The following CDH10 variants were observed in gnomAD, a reference collection of about 807,000 sequenced individuals.
The protein encoded by CDH10 is cadherin-10.
A neutral mutation model predicts 73.1 loss-of-function variants in CDH10; 30 were observed. That is an observed-to-expected ratio of 0.41 (90% confidence interval 0.31 to 0.56). CDH10 has a LOEUF of 0.56. Ranked by LOEUF, CDH10 falls within the 20% of genes least tolerant of loss-of-function variation. The probability of loss-of-function intolerance (pLI) is 0.27; values close to 1 mark genes in which losing one functional copy is unlikely to be tolerated. For synonymous variants in CDH10, 345 were observed against 348.2 expected, an observed-to-expected ratio of 0.99 and a Z score of 0.10; for missense variants, 815 against 973.7, an observed-to-expected ratio of 0.84 and a Z score of 2.17.
chr5:24,554,020 G>A (rs932613539), intron 2 of CDH10: 1 of 148,966 alleles, frequency 6.7e-6, no homozygotes, highest in Non-Finnish European at 1.5e-5. Context: ...ACCACATAAG[G>A]ACAGAGTGAG....
intron 8 of CDH10, among the ~76,000 whole-genome samples, chr5:24,500,951 CATT>C (rs1439946804): frequency 1.3e-5 from 2 of 152,080 alleles, no homozygotes; most frequent in East Asian, 3.9e-4. Context: ...AATGCTATCT[CATT>C]ATTTTCCACT....
chr5:24,498,217 G>A (rs1323088867), intron 9 of CDH10, among the ~76,000 whole-genome samples, 181 bp downstream of exon 9: 1 of 151,974 alleles, frequency 6.6e-6, no homozygotes, highest in African/African-American at 2.4e-5. Context: ...ATATGAAACT[G>A]GTATATGGTT....
chr5:24,506,268 C>T (rs1742695282), intron 7 of CDH10, among the ~76,000 whole-genome samples: 3 of 152,106 alleles, frequency 2.0e-5, no homozygotes, highest in Non-Finnish European at 4.4e-5. Context: ...GCATGGTACG[C>T]TGGGCATGAT....
chr5:24,538,503 T>C (rs939742403), intron 2 of CDH10, among the ~76,000 whole-genome samples: 1 of 152,060 alleles, frequency 6.6e-6, no homozygotes, highest in Non-Finnish European at 1.5e-5. Flanking sequence ...CATGCCTTCA[T>C]GTGGACATCT....
intron 1 of CDH10, among the ~76,000 whole-genome samples, chr5:24,638,734 T>C (rs1747948160): frequency 6.6e-6 from 1 of 151,824 alleles, no homozygotes; most frequent in African/African-American, 2.4e-5. Context: ...CCCCAACTTA[T>C]AATGCTTTAA....
Position 24,537,534 on chromosome 5 carries a change from A to G in CDH10, c.372T>C (p.Phe124=), listed in dbSNP as rs766052088. ...TRRIDREEKA[F]YTLRAQAINR... is the part of the protein sequence containing the mutation. ...TAATAGCTTGTGCGCGTAGAGTATA[A>G]AAGGCCTTTTCCTCCCTATCAATTC... Residue 124 remains phenylalanine (F), a synonymous_variant, in exon 3 of 12, where the codon TTT becomes TTC. Transcript: ENST00000264463. 3 of 1,613,400 alleles carry G rather than the reference A, an allele frequency of 1.9e-6. No individual in the cohort carries two copies. Among genetic ancestry groups the G allele is most frequent in the Middle Eastern group, 1.7e-4 (1 of 6,056 alleles).
chr5:24,535,810 A>G lies in CDH10; in HGVS notation c.539T>C (p.Val180Ala), dbSNP rs756044907. The G allele has an allele frequency of 6.2e-7, 1 of 1,609,190 alleles. No homozygotes were observed. Among genetic ancestry groups the G allele is most frequent in the South Asian group, 1.1e-5 (1 of 90,704 alleles). Residue 180 changes from valine to alanine, a missense_variant, in exon 4 of 12, where the codon GTG becomes GCG. Transcript: ENST00000264463. ...ATCGGCATCTGTAGCTGTGACTTGC[A>G]CCACAGAAGTACCTGAAGTATCCAA... ...PEMSVVGTSV[V>A]QVTATDADDP...
intron 2 of CDH10, among the ~76,000 whole-genome samples, chr5:24,573,559 A>C (rs911174122): frequency 6.6e-6 from 1 of 151,446 alleles, no homozygotes; most frequent in Non-Finnish European, 1.5e-5. Flanking sequence ...AAATTAGCCG[A>C]GCGTGGTGGC....
chr5:24,540,699 C>T (rs367875398), intron 2 of CDH10, among the ~76,000 whole-genome samples: 4 of 151,920 alleles, frequency 2.6e-5, no homozygotes, highest in South Asian at 2.1e-4. Flanking sequence ...AATTACTATA[C>T]GATTTACTTG....
chr5:24,536,530 A>C (rs531962906), intron 3 of CDH10, among the ~76,000 whole-genome samples: 1 of 152,178 alleles, frequency 6.6e-6, no homozygotes, highest in Admixed American at 6.6e-5. Flanking sequence ...CATATTTGAG[A>C]AGTGTCTATT....
intron 1 of CDH10, among the ~76,000 whole-genome samples, chr5:24,604,445 C>A (rs1288476899): frequency 6.6e-6 from 1 of 152,108 alleles, no homozygotes. Flanking sequence ...AAACTTTTGT[C>A]TTTTGTAATT....
rs1453322652 is a variant in CDH10 at position 24,604,871 on chromosome 5, T to TCAAAAA, written c.-123-11259_-123-11258insTTTTTG. ...CTGGGGAACAAGAGCAAGATGTCTC[T>TCAAAAA]AAAAAAAAAAAAAAAAAAAAAAAAC... On this transcript the variant is annotated intron_variant, in intron 1 of 11. Transcript: ENST00000264463. Among the ~76,000 whole-genome samples, 30 of 116,270 alleles carry TCAAAAA rather than the reference T, an allele frequency of 2.6e-4. 1 individual carries two copies. Among genetic ancestry groups the TCAAAAA allele is most frequent in the African/African-American group, 8.5e-4 (19 of 22,300 alleles). 76.3% of individuals were successfully genotyped at this position (116,270 alleles called of 152,430 possible). A position where few individuals can be genotyped will look rare whatever the true frequency, so the allele number is the denominator to read the frequency against.
At chr5:24,611,122 C>G (rs1330445162) in intron 1 of CDH10, among the ~76,000 whole-genome samples, 1 of 152,142 alleles carries the variant, frequency 6.6e-6, no homozygotes, top group Non-Finnish European at 1.5e-5. Context: ...CCTGTAGAGA[C>G]AGTTGCTCAG....
chr5:24,552,278 T>C (rs1431517430), intron 2 of CDH10, among the ~76,000 whole-genome samples: 2 of 152,084 alleles, frequency 1.3e-5, no homozygotes, highest in Non-Finnish European at 2.9e-5. Flanking sequence ...TTTCTTAACA[T>C]ATTCTTTTTA....
chr5:24,565,346 T>C (rs1561166858), intron 2 of CDH10, among the ~76,000 whole-genome samples: 1 of 152,210 alleles, frequency 6.6e-6, no homozygotes. Context: ...TATAAATTTC[T>C]ATGTACTAAC....
At chr5:24,592,157 A>T (rs1467521883) in intron 2 of CDH10, among the ~76,000 whole-genome samples, 1 of 151,818 alleles carries the variant, frequency 6.6e-6, no homozygotes, top group African/African-American at 2.4e-5. Flanking sequence ...CAGATATTTT[A>T]AAAGGTCTGA....
chr5:24,528,442 A>G (rs545930458), intron 5 of CDH10, among the ~76,000 whole-genome samples: 3 of 151,888 alleles, frequency 2.0e-5, no homozygotes, highest in Non-Finnish European at 2.9e-5. Flanking sequence ...AGCACTTATT[A>G]AATCAAATCT....
At chr5:24,524,531 T>A (rs1173469055) in intron 5 of CDH10, among the ~76,000 whole-genome samples, 1 of 152,112 alleles carries the variant, frequency 6.6e-6, no homozygotes, top group African/African-American at 2.4e-5. Context: ...TTTAATTATG[T>A]GGTACGCTTT....
At chr5:24,565,563 T>C (rs1227857514) in intron 2 of CDH10, among the ~76,000 whole-genome samples, 2 of 152,228 alleles carry the variant, frequency 1.3e-5, no homozygotes, top group East Asian at 1.9e-4. Flanking sequence ...AAATTTATTA[T>C]GGACTAGATG....
Sources: allele counts gnomAD v4.1 joint callset (sites outside exome capture counted in the v4.1 genomes callset), GRCh38; gene constraint gnomAD v4.1.1; transcripts MANE v1.5; gene names NCBI Gene and HGNC (gene_info 2026-07-23, HGNC 2026-07-21).